Variants in SAMD3 observed in about 807,000 individuals in gnomAD.
The protein encoded by SAMD3 is sterile alpha motif domain containing 3.
Under a neutral mutation model 58.5 loss-of-function variants are expected in SAMD3, and 63 were observed. That is an observed-to-expected ratio of 1.08 (90% confidence interval 0.88 to 1.33). The LOEUF is 1.33. Among genes scored for constraint, SAMD3 ranks in the 40% most tolerant of loss-of-function variants. SAMD3 has a pLI of 0.00. For synonymous variants in SAMD3, 220 were observed against 210.3 expected (o/e 1.05, Z -0.40); for missense variants, 604 against 608.4 (o/e 0.99, Z 0.08).
At chr6:130,287,738 A>C (rs1205880804) in intron 2 of SAMD3, among the ~76,000 whole-genome samples, 1 of 152,016 alleles carries the variant, frequency 6.6e-6, no homozygotes, top group Non-Finnish European at 1.5e-5. Flanking sequence ...GAGGTTAAGC[A>C]ATCAAGACCA....
chr6:130,183,263 G>A (rs757637543), intron 7 of SAMD3: 5 of 417,664 alleles, frequency 1.2e-5, no homozygotes, highest in African/African-American at 8.5e-5. Flanking sequence ...CTTGAACCCA[G>A]GAGGCGGAGG....
intron 3 of SAMD3, 74 bp from the exon 4 acceptor site, chr6:130,214,600 A>G: frequency 1.2e-5 from 12 of 1,010,938 alleles, no homozygotes; most frequent in Non-Finnish European, 1.5e-5. Context: ...AGGCAAAATT[A>G]CCTCTAGTGA....
At chr6:130,212,314 C>A (rs1795645715) in intron 4 of SAMD3, among the ~76,000 whole-genome samples, 1 of 152,030 alleles carries the variant, frequency 6.6e-6, no homozygotes, top group Non-Finnish European at 1.5e-5. Flanking sequence ...AATTCTGCAC[C>A]AGAATAATTT....
chr6:130,294,444 A>G (rs1230138264), intron 2 of SAMD3, among the ~76,000 whole-genome samples: 4 of 152,100 alleles, frequency 2.6e-5, no homozygotes, highest in Admixed American at 2.6e-4. Context: ...ATTAATGTTT[A>G]TTTTATTTGT....
intron 2 of SAMD3, among the ~76,000 whole-genome samples, chr6:130,262,530 C>G (rs987873063): frequency 1.3e-5 from 2 of 150,594 alleles, no homozygotes; most frequent in Non-Finnish European, 3.0e-5. Context: ...TCCAACCAGA[C>G]CTAAGAGGAA....
chr6:130,181,918 A>T (rs1257680965), intron 7 of SAMD3, among the ~76,000 whole-genome samples: 1 of 152,092 alleles, frequency 6.6e-6, no homozygotes, highest in Non-Finnish European at 1.5e-5. Context: ...ACAACAAATT[A>T]CCTGGGCGTG....
chr6:130,348,456 C>A (rs1293236931), intron 1 of SAMD3, among the ~76,000 whole-genome samples: 1 of 152,034 alleles, frequency 6.6e-6, no homozygotes, highest in African/African-American at 2.4e-5. Context: ...CACTTTAAAC[C>A]AACAAAGATC....
intron 1 of SAMD3, among the ~76,000 whole-genome samples, chr6:130,326,331 T>C (rs1270928920): frequency 6.6e-6 from 1 of 151,860 alleles, no homozygotes; most frequent in Admixed American, 6.6e-5. Flanking sequence ...CCTATGACTT[T>C]ACCTAGGATG....
chr6:130,215,892 G>A (rs908013176), intron 2 of SAMD3: 10 of 1,456,784 alleles, frequency 6.9e-6, no homozygotes, highest in Non-Finnish European at 9.3e-6. Flanking sequence ...ACATTTCTCT[G>A]GAGAATCTGA....
intron 1 of SAMD3, among the ~76,000 whole-genome samples, chr6:130,220,321 C>T (rs1391817325): frequency 6.6e-6 from 1 of 152,160 alleles, no homozygotes; most frequent in African/African-American, 2.4e-5. Context: ...TTCAAAGAAA[C>T]TAAAGAGCCA....
At chr6:130,293,005 TTCTA>T (rs1285721846) in intron 2 of SAMD3, among the ~76,000 whole-genome samples, 8 of 152,202 alleles carry the variant, frequency 5.3e-5, no homozygotes, top group Admixed American at 1.3e-4. Flanking sequence ...TGAAAGCTGT[TTCTA>T]TCTGTTTCTA....
At position 130,184,549 on chromosome 6, in the gene SAMD3, G is replaced by A. The variant is rs1792743417; in HGVS notation, c.458C>T (p.Pro153Leu). The stretch of plus-strand genomic sequence containing the variant: ...TGCTAACATGCATTTGACATCATAG[G>A]GAAACTCTGGTAAAACATAGGACTT... ...WTKSYVLPEF[P>L]YDVKCMLAEQ... Residue 153 changes from proline to leucine, a missense_variant, in exon 6 of 12, where the codon CCC (proline) becomes CTC (leucine). Pro to Leu is a moderately conservative substitution (Grantham distance 98). Transcript: ENST00000439090. 19 of 1,613,966 alleles carry A rather than the reference G, an allele frequency of 1.2e-5. No homozygotes were observed. The highest frequency in any genetic ancestry group is 1.6e-5 in the Non-Finnish European group (19 of 1,179,962).
At chr6:130,295,860 A>G (rs1170278366) in intron 2 of SAMD3, among the ~76,000 whole-genome samples, 1 of 152,184 alleles carries the variant, frequency 6.6e-6, no homozygotes, top group East Asian at 1.9e-4. Context: ...GACCCTAGGC[A>G]TAGACATAAT....
intron 2 of SAMD3, among the ~76,000 whole-genome samples, chr6:130,264,055 T>C (rs1774243679): frequency 6.6e-6 from 1 of 152,234 alleles, no homozygotes; most frequent in Non-Finnish European, 1.5e-5. Flanking sequence ...CTGGTTAAAA[T>C]GGATCAAATA....
At chr6:130,178,361 C>T (rs1791935521) in intron 7 of SAMD3, among the ~76,000 whole-genome samples, 1 of 151,856 alleles carries the variant, frequency 6.6e-6, no homozygotes, top group Admixed American at 6.6e-5. Flanking sequence ...GAATAGATCC[C>T]CACAGTGAGT....
intron 2 of SAMD3, among the ~76,000 whole-genome samples, chr6:130,234,853 C>G (rs1340357184): frequency 6.6e-6 from 1 of 152,234 alleles, no homozygotes; most frequent in African/African-American, 2.4e-5. Context: ...GGGACAGGCA[C>G]CATGGCTCAT....
At chr6:130,169,599 A>G (rs1356687272) in intron 8 of SAMD3, among the ~76,000 whole-genome samples, 5 of 152,120 alleles carry the variant, frequency 3.3e-5, no homozygotes, top group Non-Finnish European at 7.4e-5. Context: ...CAATACATTC[A>G]ATTCCCTGTT....
intron 5 of SAMD3, among the ~76,000 whole-genome samples, chr6:130,186,868 T>A (rs1793030995): frequency 6.7e-6 from 1 of 148,240 alleles, no homozygotes; most frequent in Non-Finnish European, 1.5e-5. Context: ...CCTCCCGGGT[T>A]CAAGCGATTC....
chr6:130,205,152 T>C (rs1794972468), intron 5 of SAMD3, among the ~76,000 whole-genome samples: 1 of 69,866 alleles, frequency 1.4e-5, no homozygotes, highest in Non-Finnish European at 2.9e-5. Context: ...AGTTTGGCTC[T>C]GTAAAAAAAA....
Sources: allele counts gnomAD v4.1 joint callset (sites outside exome capture counted in the v4.1 genomes callset), GRCh38; gene constraint gnomAD v4.1.1; transcripts MANE v1.5; gene names NCBI Gene and HGNC (gene_info 2026-07-23, HGNC 2026-07-21).